PTPRZ1: variants seen among roughly 807,000 people sequenced by gnomAD.
The protein encoded by PTPRZ1 is receptor-type tyrosine-protein phosphatase zeta.
PTPRZ1 carries 82 observed loss-of-function variants against 214.1 expected under a neutral mutation model. The ratio of observed to expected loss-of-function variants is 0.38; its 90% CI spans 0.32 to 0.46. PTPRZ1 has a LOEUF of 0.46. Among genes scored for constraint, PTPRZ1 ranks in the 20% least tolerant of loss-of-function variants. The pLI is 1.00. For missense variants in PTPRZ1, 2,603 were observed against 2,748.7 expected (o/e 0.95, Z 1.19); for synonymous variants, 945 against 987.9 (o/e 0.96, Z 0.81).
Position 122,012,357 on chromosome 7 carries a change from C to T in PTPRZ1, c.3311C>T (p.Ala1104Val). ...STKGMFPGSL[A>V]HTTTKVFDHE... ...AAGGGCATGTTTCCAGGGTCCCTTGCTCATACCACCACTAAGGTTTTTGAT... is the reference window on the plus strand; with the variant it reads ...AAGGGCATGTTTCCAGGGTCCCTTGTTCATACCACCACTAAGGTTTTTGAT... The change falls in exon 12 of 30, where the codon GCT becomes GTT. Residue 1104 changes from alanine (A) to valine (V), a missense_variant. Physicochemically the swap from Ala to Val is moderately conservative, Grantham distance 64. Around this residue, in one of 6 missense-constraint regions of PTPRZ1, gnomAD observed 1,913 missense variants for 1,914.3 expected, o/e 1.00. Coordinates refer to ENST00000393386, the MANE Select transcript of PTPRZ1 (RefSeq NM_002851.3). The T allele has an allele frequency of 6.2e-7, 1 of 1,613,906 alleles. No individual in the cohort carries two copies. Among genetic ancestry groups the T allele is most frequent in the Non-Finnish European group, 8.5e-7 (1 of 1,179,800 alleles).
chr7:122,013,989 C>G, intron 12 of PTPRZ1, 100 bp downstream of exon 12: 1 of 996,448 alleles, frequency 1.0e-6, no homozygotes, highest in South Asian at 2.4e-5. Flanking sequence ...TAAAATGGTA[C>G]ATCATCATTT....
chr7:122,033,622 A>T (rs892349945), intron 15 of PTPRZ1, among the ~76,000 whole-genome samples: 1 of 152,086 alleles, frequency 6.6e-6, no homozygotes, highest in Non-Finnish European at 1.5e-5. Context: ...TAATGTTTTG[A>T]TAGCCTTAAA....
At chr7:121,879,464 G>A (rs1228182707) in intron 1 of PTPRZ1, among the ~76,000 whole-genome samples, 1 of 152,170 alleles carries the variant, frequency 6.6e-6, no homozygotes, top group East Asian at 1.9e-4. Context: ...GTCTTCTCTA[G>A]TCAAGAAGGC....
chr7:121,904,877 A>G (rs1312255121), intron 1 of PTPRZ1, among the ~76,000 whole-genome samples: 4 of 152,188 alleles, frequency 2.6e-5, no homozygotes, highest in African/African-American at 9.7e-5. Context: ...ACCTAGAAAA[A>G]TAATGATATT....
chr7:121,983,553 C>A, intron 6 of PTPRZ1, 112 bp from the exon 7 acceptor site: 1 of 1,065,912 alleles, frequency 9.4e-7, no homozygotes, highest in Non-Finnish European at 1.3e-6. Context: ...GTTTCAAAAT[C>A]TCAGTTTTGA....
chr7:121,877,648 A>G (rs1480500229), intron 1 of PTPRZ1, among the ~76,000 whole-genome samples: 2 of 152,204 alleles, frequency 1.3e-5, no homozygotes, highest in Admixed American at 6.5e-5. Flanking sequence ...TAATTCAGCT[A>G]TGCATCAACA....
intron 1 of PTPRZ1, among the ~76,000 whole-genome samples, chr7:121,893,994 G>T (rs12530860): frequency 6.6e-6 from 1 of 152,266 alleles, no homozygotes; most frequent in African/African-American, 2.4e-5. Context: ...TGTGCACAGG[G>T]CTAGTAAATG....
chr7:122,031,470 G>T lies in PTPRZ1; in HGVS notation c.5081-4G>T, dbSNP rs184288962. 1 of 1,606,570 alleles carries T rather than the reference G, an allele frequency of 6.2e-7. No homozygotes were observed. Among genetic ancestry groups the T allele is most frequent in the South Asian group, 1.1e-5 (1 of 90,224 alleles). On this transcript the variant is annotated splice_polypyrimidine_tract_variant and splice_region_variant and intron_variant, in intron 14 of 29. Coordinates refer to ENST00000393386, the MANE Select transcript of PTPRZ1 (RefSeq NM_002851.3). ...TCTCTAACACAATTTTTTTATTCAC[G>T]TAGATGATGTCGGAGCAATTCCAAT...
intron 2 of PTPRZ1, among the ~76,000 whole-genome samples, chr7:121,963,354 T>G (rs1796937552): frequency 6.6e-6 from 1 of 151,442 alleles, no homozygotes; most frequent in African/African-American, 2.4e-5. Context: ...TTTTAGGGAG[T>G]TTTAGGTGGG....
chr7:122,021,780 T>C (rs1470211287), intron 13 of PTPRZ1, among the ~76,000 whole-genome samples: 2 of 152,188 alleles, frequency 1.3e-5, no homozygotes, highest in African/African-American at 2.4e-5. Flanking sequence ...ATATGTTTTA[T>C]ATCTATTAAA....
At chr7:121,961,516 AT>A (rs1380719752) in intron 2 of PTPRZ1, among the ~76,000 whole-genome samples, 5 of 152,094 alleles carry the variant, frequency 3.3e-5, no homozygotes, top group Admixed American at 3.3e-4. Flanking sequence ...CCTTTTTAGC[AT>A]TTGTCTATTT....
At chr7:122,023,784 T>TA (rs1271076755) in intron 13 of PTPRZ1, among the ~76,000 whole-genome samples, 125 of 128,168 alleles carry the variant, frequency 9.8e-4, no homozygotes, top group Middle Eastern at 7.8e-3. Context: ...ATAATATATA[T>TA]TATATGTATA....
intron 10 of PTPRZ1, among the ~76,000 whole-genome samples, chr7:122,003,644 G>A (rs1798390857): frequency 6.6e-6 from 1 of 152,086 alleles, no homozygotes; most frequent in South Asian, 2.1e-4. Context: ...AAATTTTGGC[G>A]ATAGCCTGAG....
At chr7:121,908,385 T>C in intron 1 of PTPRZ1, 1 of 355,722 alleles carries the variant, frequency 2.8e-6, no homozygotes, top group Non-Finnish European at 5.3e-6. Flanking sequence ...CAACTATACA[T>C]CATCTGTATT....
At chr7:121,953,317 T>A (rs761448979) in intron 2 of PTPRZ1, among the ~76,000 whole-genome samples, 5 of 152,224 alleles carry the variant, frequency 3.3e-5, no homozygotes, top group Non-Finnish European at 7.3e-5. Context: ...TCAAATGATA[T>A]CTGTATGAGT....
chr7:122,001,578 A>T (rs980814443), intron 10 of PTPRZ1, among the ~76,000 whole-genome samples: 1 of 152,188 alleles, frequency 6.6e-6, no homozygotes, highest in Non-Finnish European at 1.5e-5. Context: ...TTACATTATT[A>T]TATGCAGAAT....
At chr7:122,052,685 A>C (rs1486122049) in intron 25 of PTPRZ1, among the ~76,000 whole-genome samples, 2 of 152,214 alleles carry the variant, frequency 1.3e-5, no homozygotes, top group Non-Finnish European at 1.5e-5. Context: ...CCAGGACTTT[A>C]GTAACAGTAT....
rs1186738234 is a variant in PTPRZ1 at position 122,061,329 on chromosome 7, A to G, written c.*109A>G. ...ATCTGTTGATTTCCCATCACCTGACAGTAACTTTCATGACATAGGATTCTG... is the reference window on the plus strand; with the variant it reads ...ATCTGTTGATTTCCCATCACCTGACGGTAACTTTCATGACATAGGATTCTG... On this transcript the variant is annotated 3_prime_UTR_variant, in exon 30 of 30. Transcript: ENST00000393386. 3 of 1,118,130 alleles carry G rather than the reference A, an allele frequency of 2.7e-6. No individual in the cohort carries two copies. The highest frequency in any genetic ancestry group is 2.3e-4 in the Middle Eastern group (1 of 4,396). 69.3% of individuals were successfully genotyped at this position (1,118,130 alleles called of 1,614,324 possible).
intron 2 of PTPRZ1, among the ~76,000 whole-genome samples, chr7:121,962,532 G>A (rs577663928): frequency 6.6e-6 from 1 of 151,718 alleles, no homozygotes; most frequent in South Asian, 2.1e-4. Flanking sequence ...CAGATAAAAT[G>A]TATTTAATGG....
Sources: gnomAD v4.1 joint callset for allele counts (sites outside exome capture counted in the v4.1 genomes callset) on GRCh38, gnomAD v4.1.1 for gene constraint, gnomAD v4.1.1 regional missense constraint, MANE v1.5 for transcripts, NCBI Gene and HGNC (gene_info 2026-07-23, HGNC 2026-07-21) for gene names.